Variants in RERGL observed in about 807,000 individuals in gnomAD.
RERGL encodes the protein RERG like.
In RERGL, 22 loss-of-function variants were observed where a neutral mutation model predicts 24.7. The ratio of observed to expected loss-of-function variants is 0.89; its 90% CI spans 0.64 to 1.27. RERGL has a LOEUF of 1.27. Ranked by LOEUF, RERGL falls within the 50% of genes most tolerant of loss-of-function variation. RERGL has a pLI of 0.00. For synonymous variants in RERGL, 76 were observed against 82.6 expected (o/e 0.92, Z 0.43); for missense variants, 259 against 235.3 (o/e 1.10, Z -0.66).
chr12:18,086,382 T>A (rs1947222669), intron 2 of RERGL, among the ~76,000 whole-genome samples: 1 of 152,140 alleles, frequency 6.6e-6, no homozygotes, highest in Non-Finnish European at 1.5e-5. Flanking sequence ...TATATCATAA[T>A]TTTTTCCTCT....
At chr12:18,085,849 T>A (rs1273091032) in intron 2 of RERGL, among the ~76,000 whole-genome samples, 156 bp from the exon 3 acceptor site, 1 of 43,498 alleles carries the variant, frequency 2.3e-5, no homozygotes, top group Non-Finnish European at 4.9e-5. Context: ...GATATGTTTC[T>A]TTTTTTTTTT....
intron 4 of RERGL, among the ~76,000 whole-genome samples, chr12:18,081,903 G>A (rs1947177136): frequency 6.6e-6 from 1 of 152,176 alleles, no homozygotes; most frequent in Non-Finnish European, 1.5e-5. Flanking sequence ...CACTTTGGGA[G>A]GCCAAGGCGG....
chr12:18,089,019 G>A, intron 1 of RERGL, 63 bp from the exon 2 acceptor site: 1 of 1,369,030 alleles, frequency 7.3e-7, no homozygotes, highest in East Asian at 2.3e-5. Flanking sequence ...ATTTGGTTAT[G>A]TGCATAAGGC....
intron 4 of RERGL, among the ~76,000 whole-genome samples, chr12:18,082,093 T>C (rs562373317): frequency 6.6e-6 from 1 of 151,432 alleles, no homozygotes; most frequent in South Asian, 2.1e-4. Context: ...TGAGCCAAGA[T>C]TGTGCCACTG....
At chr12:18,088,735 A>G (rs1365532848) in intron 2 of RERGL, among the ~76,000 whole-genome samples, 165 bp downstream of exon 2, 1 of 152,138 alleles carries the variant, frequency 6.6e-6, no homozygotes, top group Admixed American at 6.6e-5. Flanking sequence ...AGAACATTTA[A>G]TTCAAGTACC....
intron 4 of RERGL, 114 bp from the exon 5 acceptor site, chr12:18,081,587 T>C: frequency 2.0e-6 from 2 of 976,740 alleles, no homozygotes; most frequent in South Asian, 1.9e-5. Context: ...AGAAAAAATA[T>C]TGTGTGTATG....
chr12:18,081,605 T>C (rs980002729), intron 4 of RERGL, 132 bp from the exon 5 acceptor site: 80 of 799,006 alleles, frequency 1.0e-4, no homozygotes, highest in Non-Finnish European at 1.4e-4. Context: ...ATGTTACTTA[T>C]GGTCATGTGT....
At chr12:18,090,012 C>T (rs146383309) in intron 1 of RERGL, 77 bp downstream of exon 1, 17 of 966,962 alleles carry the variant, frequency 1.8e-5, no homozygotes, top group African/African-American at 5.0e-5. Context: ...ATATGAAATA[C>T]GTGGTTAATG....
chr12:18,081,480 T>C lies in RERGL; in HGVS notation c.333-7A>G, dbSNP rs373256343. 4 of 1,540,452 alleles carry C rather than the reference T, an allele frequency of 2.6e-6. No homozygotes were observed. Among genetic ancestry groups the C allele is most frequent in the Middle Eastern group, 3.5e-4 (2 of 5,718 alleles). On this transcript the variant is annotated splice_polypyrimidine_tract_variant and splice_region_variant and intron_variant, in intron 4 of 4. Coordinates refer to ENST00000538724, the MANE Select transcript of RERGL (RefSeq NM_001286201.2). ...CACTGCTGATTCCACAGCTCTGAAATAGAGATACACAATTTTTAGCAAGAT... is the reference window on the plus strand; with the variant it reads ...CACTGCTGATTCCACAGCTCTGAAACAGAGATACACAATTTTTAGCAAGAT...
intron 4 of RERGL, among the ~76,000 whole-genome samples, chr12:18,083,214 A>T (rs1241834031): frequency 6.6e-6 from 1 of 152,172 alleles, no homozygotes; most frequent in African/African-American, 2.4e-5. Flanking sequence ...ATTTAATGAA[A>T]TAGTGATATA....
intron 1 of RERGL, among the ~76,000 whole-genome samples, chr12:18,089,830 G>A (rs1947253483): frequency 6.6e-6 from 1 of 151,870 alleles, no homozygotes; most frequent in South Asian, 2.1e-4. Flanking sequence ...AACATCAGTA[G>A]AACAATATAC....
At chr12:18,084,476 T>C (rs1262154915) in intron 4 of RERGL, 41 bp downstream of exon 4, 2 of 1,559,696 alleles carry the variant, frequency 1.3e-6, no homozygotes, top group South Asian at 1.2e-5. Flanking sequence ...TATATGATGA[T>C]TTACTAAAAA....
rs568974948 is a variant in RERGL, at chr12:18,089,538, AAC to A, written c.52+549_52+550del. 2.5e-3 allele frequency among the ~76,000 whole-genome samples: 378 copies of A among 152,250 alleles called. 3 individuals carry two copies. Among genetic ancestry groups the A allele is most frequent in the African/African-American group, 8.7e-3 (360 of 41,552 alleles). Reference sequence around the variant, plus strand: ...TATAATGTGACCGAAACCAAAGCAAAACACAGCAAAACAAAAGCATGACTTCC... The same window carrying A: ...TATAATGTGACCGAAACCAAAGCAAAACAGCAAAACAAAAGCATGACTTCC... On this transcript the variant is annotated intron_variant, in intron 1 of 4. Coordinates refer to ENST00000538724, the MANE Select transcript of RERGL (RefSeq NM_001286201.2).
Position 18,085,617 on chromosome 12 carries a change from T to C in RERGL, c.183+3A>G, listed in dbSNP as rs1172055560. On this transcript the variant is annotated splice_donor_region_variant and intron_variant, in intron 3 of 4. Transcript: ENST00000538724. ...AATAAAAAAGGTGTTTTGTTTTACT[T>C]ACTTGAGAACAAGGGTCATATATTT... 2.0e-6 allele frequency: 3 copies of C among 1,532,484 alleles called. No homozygotes were observed. Among genetic ancestry groups the C allele is most frequent in the Non-Finnish European group, 1.8e-6 (2 of 1,116,810 alleles). The allele number at this position is 1,532,484 out of a possible 1,614,324, so 94.9% of individuals were successfully genotyped here.
chr12:18,081,264 C>A lies in RERGL; in HGVS notation c.542G>T (p.Arg181Ile), dbSNP rs769091652. 61 of 1,613,386 alleles carry A rather than the reference C, an allele frequency of 3.8e-5. No individual in the cohort carries two copies. The highest frequency in any genetic ancestry group is 4.9e-5 in the Non-Finnish European group (58 of 1,179,852). ...CATTGATTTAGATCCACTGGGACGTCTCTTTTCTTTGAGTTTGAAGTTTAT... is the reference window on the plus strand; with the variant it reads ...CATTGATTTAGATCCACTGGGACGTATCTTTTCTTTGAGTTTGAAGTTTAT... Reference protein sequence around the residue: ...ILINFKLKEKRRPSGSKSMAK... With the variant: ...ILINFKLKEKIRPSGSKSMAK... Residue 181 changes from arginine (R) to isoleucine (I), a missense_variant, in exon 5 of 5, where the codon AGA becomes ATA. Arg to Ile is a moderately conservative substitution (Grantham distance 97). Coordinates refer to ENST00000538724, the MANE Select transcript of RERGL (RefSeq NM_001286201.2).
chr12:18,084,711 G>A, intron 3 of RERGL, 46 bp from the exon 4 acceptor site: 6 of 1,551,286 alleles, frequency 3.9e-6, no homozygotes, highest in Non-Finnish European at 5.2e-6. Flanking sequence ...TCTAATACCT[G>A]TGTTTTTATA....
At chr12:18,088,091 T>A (rs894969120) in intron 2 of RERGL, among the ~76,000 whole-genome samples, 2 of 152,134 alleles carry the variant, frequency 1.3e-5, no homozygotes, top group Admixed American at 1.3e-4. Flanking sequence ...TTCCTCTTAG[T>A]CTAAATAACT....
chr12:18,089,433 T>C (rs923079213), intron 1 of RERGL: 5 of 1,261,664 alleles, frequency 4.0e-6, no homozygotes, highest in Admixed American at 3.7e-5. Flanking sequence ...CCATTCATCA[T>C]GTCACAGCTC....
chr12:18,081,677 C>T (rs1315761366), intron 4 of RERGL, among the ~76,000 whole-genome samples: 5 of 152,108 alleles, frequency 3.3e-5, no homozygotes, highest in Non-Finnish European at 5.9e-5. Flanking sequence ...TAGTAAATGG[C>T]ACAGAAGCAA....
Sources: allele counts gnomAD v4.1 joint callset (sites outside exome capture counted in the v4.1 genomes callset), GRCh38; gene constraint gnomAD v4.1.1; transcripts MANE v1.5; gene names NCBI Gene and HGNC (gene_info 2026-07-23, HGNC 2026-07-21).